The following RBM26 variants were observed in gnomAD, a reference collection of about 807,000 sequenced individuals.
RBM26 encodes RNA binding motif protein 26.
RBM26 carries 30 observed loss-of-function variants against 123.6 expected under a neutral mutation model. That is an observed-to-expected ratio of 0.24 (90% CI 0.18 to 0.33). The LOEUF (loss-of-function observed/expected upper bound fraction) is 0.33. RBM26 is among the 10% of genes least tolerant of loss of function. The pLI is 1.00. For missense variants in RBM26, 947 were observed against 1,203.6 expected (o/e 0.79, Z 3.15); for synonymous variants, 400 against 404.4 (o/e 0.99, Z 0.13).
At chr13:79,322,288 C>T (rs756546517) in intron 21 of RBM26, 61 bp downstream of exon 21, 20 of 1,097,296 alleles carry the variant, frequency 1.8e-5, no homozygotes, top group African/African-American at 5.0e-5. Context: ...ATAAAAATCA[C>T]ATTTTATATA....
At chr13:79,346,518 G>T (rs1176301577) in intron 14 of RBM26, among the ~76,000 whole-genome samples, 2 of 151,934 alleles carry the variant, frequency 1.3e-5, no homozygotes, top group Non-Finnish European at 2.9e-5. Flanking sequence ...GACCTCAGCC[G>T]CGCACCACCA....
intron 20 of RBM26, among the ~76,000 whole-genome samples, chr13:79,324,750 T>C (rs936306026): frequency 2.6e-5 from 4 of 151,884 alleles, no homozygotes; most frequent in Non-Finnish European, 5.9e-5. Context: ...AAAAAGAATT[T>C]TGTAGCATGT....
rs906458923 is a variant in RBM26, at chr13:79,319,077, A to G, written c.*1544T>C. ...AACGTAGACACGAATTGCAAGGCAA[A>G]GCATTTCTATGAAATAGTGTTACCA... On this transcript the variant is annotated 3_prime_UTR_variant, in exon 22 of 22. Coordinates refer to ENST00000438737, the MANE Select transcript of RBM26 (RefSeq NM_001366735.2). The G allele has an allele frequency of 2.0e-6, 2 of 984,408 alleles. No homozygotes were observed. The highest frequency in any genetic ancestry group is 1.7e-5 in the African/African-American group (1 of 57,272). The allele number at this position is 984,408 out of a possible 1,614,324, so 61.0% of individuals were successfully genotyped here.
chr13:79,361,109 C>G (rs1431198752), intron 9 of RBM26, among the ~76,000 whole-genome samples: 1 of 152,126 alleles, frequency 6.6e-6, no homozygotes, highest in Non-Finnish European at 1.5e-5. Flanking sequence ...TCAAAACTCA[C>G]TATGCAGAAC....
At chr13:79,321,213 A>AT (rs1298290165) in intron 21 of RBM26, among the ~76,000 whole-genome samples, 1 of 151,326 alleles carries the variant, frequency 6.6e-6, no homozygotes, top group African/African-American at 2.4e-5. Context: ...TCAGACTGCT[A>AT]TTTCAAACTT....
chr13:79,383,534 G>C (rs1316251044), intron 1 of RBM26, among the ~76,000 whole-genome samples: 1 of 152,074 alleles, frequency 6.6e-6, no homozygotes, highest in African/African-American at 2.4e-5. Context: ...AAATAAGTAT[G>C]TTGGGTTTAG....
exon 5 of RBM26, chr13:79,312,401 G>A (rs957811711): frequency 1.3e-5 from 2 of 151,912 alleles, no homozygotes; most frequent in African/African-American, 4.8e-5. Context: ...TAAGGTGCTG[G>A]AAGGAAATCT....
Position 79,322,415 on chromosome 13 carries a change from T to C in RBM26, c.2868A>G (p.Ala956=), listed in dbSNP as rs2067791075. The C allele has an allele frequency of 1.9e-6, 3 of 1,582,556 alleles. No individual in the cohort carries two copies. Among genetic ancestry groups the C allele is most frequent in the East Asian group, 4.7e-5 (2 of 42,642 alleles). Residue 956 remains alanine (A), a synonymous_variant, in exon 21 of 22, where the codon GCA becomes GCG. Transcript: ENST00000438737. Reference sequence around the variant, plus strand: ...AAATATTAGTTACTGGTTTATTCCATGCCAGTTTTAGATCTTGCCCTTTGA... The same window carrying C: ...AAATATTAGTTACTGGTTTATTCCACGCCAGTTTTAGATCTTGCCCTTTGA... ...ARFKGQDLKL[A]WNKPVTNISA... is the part of the protein sequence containing the mutation.
At chr13:79,340,583 A>G (rs1471662406) in intron 18 of RBM26, among the ~76,000 whole-genome samples, 1 of 152,018 alleles carries the variant, frequency 6.6e-6, no homozygotes, top group African/African-American at 2.4e-5. Context: ...CTCATATCAT[A>G]TAACAGGAAT....
At position 79,371,905 on chromosome 13, in the gene RBM26, T is replaced by C; in HGVS notation, c.353A>G (p.Lys118Arg). The change falls in exon 4 of 22, where the codon AAG becomes AGG. Residue 118 changes from lysine (K) to arginine (R), a missense_variant. This residue lies in a region of RBM26 where 275 missense variants were observed against 361.0 expected (regional missense o/e 0.76). Transcript: ENST00000438737. ...GTGATTTAGCCTTCTAGAAAACTTC[T>C]TCTCTCGCTCTTCCTCCTTAGTGAT... Reference protein sequence around the residue: ...EEITKEEEREKKFSRRLNHSP... With the variant: ...EEITKEEERERKFSRRLNHSP... 1 of 1,611,856 alleles carries C rather than the reference T, an allele frequency of 6.2e-7. No individual in the cohort carries two copies.
chr13:79,396,122 A>G (rs1012980986), intron 1 of RBM26, among the ~76,000 whole-genome samples: 12 of 152,202 alleles, frequency 7.9e-5, no homozygotes, highest in African/African-American at 2.9e-4. Flanking sequence ...TCAGGAGAAC[A>G]AAGACTCAAA....
In RBM26 at chr13:79,405,781, C is replaced by T. The variant is rs766787931; in HGVS notation, c.-7G>A. On this transcript the variant is annotated 5_prime_UTR_variant, in exon 1 of 22. Transcript: ENST00000438737. The stretch of plus-strand genomic sequence containing the variant: ...TGATCATTTTAGAAACCATCCACAG[C>T]GGCCCTAAGGCCCGTCACACTCCTC... The T allele has an allele frequency of 2.5e-6, 4 of 1,575,782 alleles. No individual in the cohort carries two copies. The highest frequency in any genetic ancestry group is 1.7e-4 in the Middle Eastern group (1 of 5,952).
intron 14 of RBM26, among the ~76,000 whole-genome samples, chr13:79,347,651 TTAC>T (rs144948299): frequency 0.019 from 2,945 of 152,236 alleles, 96 homozygotes; most frequent in African/African-American, 0.067. Context: ...TCTATACATC[TTAC>T]TACACTTACT....
At chr13:79,345,654 A>G (rs779547652) in intron 14 of RBM26, among the ~76,000 whole-genome samples, 3 of 152,158 alleles carry the variant, frequency 2.0e-5, no homozygotes, top group Admixed American at 6.5e-5. Context: ...GAAGATGAAC[A>G]TGATGGTGTC....
intron 1 of RBM26, among the ~76,000 whole-genome samples, chr13:79,399,955 T>A (rs1483214504): frequency 3.3e-5 from 5 of 152,106 alleles, no homozygotes; most frequent in Non-Finnish European, 7.4e-5. Flanking sequence ...CAATTAGAGA[T>A]AAAAGCTTAA....
In RBM26 at chr13:79,340,984, T is replaced by C. The variant is rs903837181; in HGVS notation, c.2532+139A>G. The stretch of plus-strand genomic sequence containing the variant: ...TTGTTGACCTCTTCCCTCTTTCCTA[T>C]ATTAACATCTCAATATGTATGCCAG... On this transcript the variant is annotated intron_variant, in intron 18 of 21. Coordinates refer to ENST00000438737, the MANE Select transcript of RBM26 (RefSeq NM_001366735.2). 27 of 497,916 alleles carry C rather than the reference T, an allele frequency of 5.4e-5. 1 individual carries two copies. The highest frequency in any genetic ancestry group is 9.0e-5 in the Non-Finnish European group (26 of 288,834). 30.8% of individuals were successfully genotyped at this position (497,916 alleles called of 1,614,324 possible).
At position 79,320,583 on chromosome 13, in the gene RBM26, G is replaced by C; in HGVS notation, c.*38C>G. 1 of 1,513,194 alleles carries C rather than the reference G, an allele frequency of 6.6e-7. No homozygotes were observed. Among genetic ancestry groups the C allele is most frequent in the Non-Finnish European group, 8.8e-7 (1 of 1,133,302 alleles). 93.7% of individuals were successfully genotyped at this position (1,513,194 alleles called of 1,614,324 possible). On this transcript the variant is annotated 3_prime_UTR_variant, in exon 22 of 22. Transcript: ENST00000438737. ...ATTAGATAATACTAATGAAACACAG[G>C]TAGAGTTCTAGCATATGCAGATCAA...
chr13:79,353,610 T>C (rs2073574547), intron 13 of RBM26, among the ~76,000 whole-genome samples: 1 of 152,154 alleles, frequency 6.6e-6, no homozygotes, highest in Non-Finnish European at 1.5e-5. Flanking sequence ...ATATACTGTA[T>C]TTGGTGATAA....
chr13:79,342,875 A>C, intron 16 of RBM26, 44 bp from the exon 17 acceptor site: 2 of 1,222,056 alleles, frequency 1.6e-6, no homozygotes, highest in Non-Finnish European at 2.3e-6. Flanking sequence ...AATTACTCCT[A>C]TTATCATTAA....
Sources: gnomAD v4.1 joint callset for allele counts (sites outside exome capture counted in the v4.1 genomes callset) on GRCh38, gnomAD v4.1.1 for gene constraint, gnomAD v4.1.1 regional missense constraint, MANE v1.5 for transcripts, NCBI Gene and HGNC (gene_info 2026-07-23, HGNC 2026-07-21) for gene names.